The following SPIDR variants were observed in gnomAD, a reference collection of about 807,000 sequenced individuals.
The protein encoded by SPIDR is DNA repair-scaffolding protein.
A neutral mutation model predicts 104.6 loss-of-function variants in SPIDR; 93 were observed. That is an observed-to-expected ratio of 0.89 (90% CI 0.75 to 1.06). The LOEUF is 1.06. SPIDR is among the 50% of genes least tolerant of loss of function. SPIDR has a pLI of 0.00. For synonymous variants in SPIDR, 431 were observed against 416.9 expected (o/e 1.03, Z -0.41); for missense variants, 1,154 against 1,111.2 (o/e 1.04, Z -0.55).
At chr8:47,457,319 A>G (rs1554710412) in intron 8 of SPIDR, among the ~76,000 whole-genome samples, 1 of 152,178 alleles carries the variant, frequency 6.6e-6, no homozygotes. Context: ...GTAAGGTGGT[A>G]CCGCATTGTG....
chr8:47,520,820 G>C (rs2083947993), intron 8 of SPIDR, among the ~76,000 whole-genome samples: 1 of 152,180 alleles, frequency 6.6e-6, no homozygotes, highest in Non-Finnish European at 1.5e-5. Flanking sequence ...GCCATCCTAT[G>C]ATCTGTAGAT....
At chr8:47,367,948 A>T (rs1229701061) in intron 5 of SPIDR, among the ~76,000 whole-genome samples, 1 of 152,172 alleles carries the variant, frequency 6.6e-6, no homozygotes, top group East Asian at 1.9e-4. Flanking sequence ...ATCCTAGTCC[A>T]CTGGGGCTGC....
chr8:47,262,631 C>T (rs184198809), intron 1 of SPIDR, among the ~76,000 whole-genome samples: 3 of 152,172 alleles, frequency 2.0e-5, no homozygotes, highest in Non-Finnish European at 4.4e-5. Context: ...AACAAGATAT[C>T]GGTCCCCGTG....
chr8:47,530,350 A>G (rs917925809), intron 8 of SPIDR, among the ~76,000 whole-genome samples: 5 of 152,160 alleles, frequency 3.3e-5, no homozygotes, highest in Non-Finnish European at 7.4e-5. Flanking sequence ...AGGCTGAGGC[A>G]CAAGAATCAC....
At chr8:47,557,614 A>G (rs928658055) in intron 8 of SPIDR, among the ~76,000 whole-genome samples, 12 of 152,144 alleles carry the variant, frequency 7.9e-5, no homozygotes, top group African/African-American at 2.9e-4. Flanking sequence ...GAGGGCAAAA[A>G]CAGGTGTTGG....
At chr8:47,663,825 T>C (rs1001460658) in intron 10 of SPIDR, among the ~76,000 whole-genome samples, 27 of 152,074 alleles carry the variant, frequency 1.8e-4, no homozygotes, top group African/African-American at 6.5e-4. Context: ...TGGAAATAAA[T>C]CAAAGAAACA....
At chr8:47,559,614 G>C (rs2056821530) in intron 8 of SPIDR, among the ~76,000 whole-genome samples, 1 of 152,304 alleles carries the variant, frequency 6.6e-6, no homozygotes, top group South Asian at 2.1e-4. Context: ...TGCAAGTGTT[G>C]TTGAGAAGAC....
At chr8:47,275,805 C>T (rs1488503359) in intron 1 of SPIDR, among the ~76,000 whole-genome samples, 2 of 151,910 alleles carry the variant, frequency 1.3e-5, no homozygotes, top group African/African-American at 4.8e-5. Context: ...TGACTTTTTT[C>T]TATTTATTTT....
intron 5 of SPIDR, among the ~76,000 whole-genome samples, chr8:47,322,621 A>G (rs953364801): frequency 6.6e-6 from 1 of 152,254 alleles, no homozygotes; most frequent in Non-Finnish European, 1.5e-5. Flanking sequence ...TCATGCTGCT[A>G]TAAAGACACA....
At chr8:47,624,552 G>A (rs1326383857) in intron 10 of SPIDR, among the ~76,000 whole-genome samples, 1 of 152,016 alleles carries the variant, frequency 6.6e-6, no homozygotes, top group Non-Finnish European at 1.5e-5. Context: ...TGATAAAGGG[G>A]ATATCACCAC....
intron 5 of SPIDR, among the ~76,000 whole-genome samples, chr8:47,341,644 G>A (rs1402481816): frequency 1.3e-5 from 2 of 151,870 alleles, no homozygotes; most frequent in Non-Finnish European, 2.9e-5. Context: ...CCACCCCTGT[G>A]TTTGCTGTTG....
chr8:47,452,243 G>A (rs1289351091), intron 8 of SPIDR, among the ~76,000 whole-genome samples: 1 of 152,020 alleles, frequency 6.6e-6, no homozygotes, highest in African/African-American at 2.4e-5. Flanking sequence ...AAACTGTGAG[G>A]TCCAAAATCG....
At chr8:47,628,823 G>C (rs2066600573) in intron 10 of SPIDR, among the ~76,000 whole-genome samples, 1 of 152,166 alleles carries the variant, frequency 6.6e-6, no homozygotes, top group Non-Finnish European at 1.5e-5. Flanking sequence ...AATGTTTGTT[G>C]GTTTTTTGGT....
intron 10 of SPIDR, among the ~76,000 whole-genome samples, chr8:47,622,803 T>C (rs2065359839): frequency 6.6e-6 from 1 of 152,188 alleles, no homozygotes; most frequent in South Asian, 2.1e-4. Flanking sequence ...AGTAACCTCA[T>C]ACATTAAAAG....
intron 10 of SPIDR, among the ~76,000 whole-genome samples, chr8:47,624,800 C>T (rs2065778041): frequency 6.6e-6 from 1 of 152,158 alleles, no homozygotes; most frequent in Admixed American, 6.5e-5. Flanking sequence ...CCGAATTCTA[C>T]CAGAGGTACA....
chr8:47,536,278 T>C (rs1480787672), intron 8 of SPIDR, among the ~76,000 whole-genome samples: 1 of 152,158 alleles, frequency 6.6e-6, no homozygotes, highest in Non-Finnish European at 1.5e-5. Flanking sequence ...TATTTCATGG[T>C]TATCAACAAA....
chr8:47,428,080 G>A (rs538997515), intron 7 of SPIDR, among the ~76,000 whole-genome samples: 3 of 152,162 alleles, frequency 2.0e-5, no homozygotes, highest in Non-Finnish European at 2.9e-5. Flanking sequence ...GCGCCACGAC[G>A]CCTGGCTAAT....
At chr8:47,730,110 CT>C (rs1020859492) in intron 19 of SPIDR, among the ~76,000 whole-genome samples, 31 of 149,702 alleles carry the variant, frequency 2.1e-4, no homozygotes, top group African/African-American at 5.4e-4. Context: ...CCCCAAGATG[CT>C]TTTTTTTTTC....
intron 5 of SPIDR, among the ~76,000 whole-genome samples, chr8:47,395,168 G>A (rs1380588017): frequency 6.6e-6 from 1 of 152,028 alleles, no homozygotes; most frequent in Non-Finnish European, 1.5e-5. Flanking sequence ...GGCCAACATG[G>A]TGAAACCCCG....
Sources: gnomAD v4.1 joint callset for allele counts (sites outside exome capture counted in the v4.1 genomes callset) on GRCh38, gnomAD v4.1.1 for gene constraint, MANE v1.5 for transcripts, NCBI Gene and HGNC (gene_info 2026-07-23, HGNC 2026-07-21) for gene names.